Variants in GRM7 observed in about 807,000 individuals in gnomAD.
The protein encoded by GRM7 is glutamate metabotropic receptor 7, also known as metabotropic glutamate receptor 7.
Under a neutral mutation model 84.5 loss-of-function variants are expected in GRM7, and 35 were observed. That is an observed-to-expected ratio of 0.41 (90% CI 0.32 to 0.55). The LOEUF is 0.55. Among genes scored for constraint, GRM7 ranks in the 20% least tolerant of loss-of-function variants. The probability of loss-of-function intolerance (pLI) is 0.19; values close to 1 mark genes in which losing one functional copy is unlikely to be tolerated. For missense variants in GRM7, 1,003 were observed against 1,194.6 expected (o/e 0.84, Z 2.36); for synonymous variants, 487 against 455.1 (o/e 1.07, Z -0.89).
chr3:7,214,047 G>A (rs1021767284), intron 2 of GRM7, among the ~76,000 whole-genome samples: 1 of 150,604 alleles, frequency 6.6e-6, no homozygotes, highest in African/African-American at 2.5e-5. Flanking sequence ...AAAAAGATAC[G>A]TTTGCCTGAA....
chr3:7,035,917 G>A (rs1236605182), intron 1 of GRM7, among the ~76,000 whole-genome samples: 3 of 152,174 alleles, frequency 2.0e-5, no homozygotes, highest in Admixed American at 6.5e-5. Flanking sequence ...AACCTTTATT[G>A]AGCATATACT....
chr3:6,886,987 T>A (rs547779221), intron 1 of GRM7, among the ~76,000 whole-genome samples: 191 of 152,218 alleles, frequency 1.3e-3, no homozygotes, highest in African/African-American at 4.3e-3. Context: ...ACATAATTTT[T>A]AACTACAAAA....
rs528143443 is a variant in GRM7 at position 7,434,802 on chromosome 3, C to CA, written c.1175-17798dup. The stretch of plus-strand genomic sequence containing the variant: ...ATTGGTATCAGATTAATGCTGGACA[C>CA]AAAAAAATGAGTTAGAAAATGTCCC... On this transcript the variant is annotated intron_variant, in intron 5 of 9. Transcript: ENST00000357716. 2.6e-3 allele frequency among the ~76,000 whole-genome samples: 396 copies of CA among 151,954 alleles called. 1 individual carries two copies. Among genetic ancestry groups the CA allele is most frequent in the African/African-American group, 8.9e-3 (369 of 41,468 alleles).
chr3:7,510,736 A>G (rs1033598816), intron 7 of GRM7, among the ~76,000 whole-genome samples: 3 of 152,226 alleles, frequency 2.0e-5, no homozygotes, highest in African/African-American at 7.2e-5. Context: ...ACTTACAAAT[A>G]GTTGAAAAAA....
At chr3:6,990,653 C>T (rs181593490) in intron 1 of GRM7, among the ~76,000 whole-genome samples, 1 of 152,204 alleles carries the variant, frequency 6.6e-6, no homozygotes, top group Admixed American at 6.5e-5. Flanking sequence ...TTTTTCTTTA[C>T]ATAGATCTAT....
At chr3:7,384,814 C>A (rs921953993) in intron 4 of GRM7, among the ~76,000 whole-genome samples, 6 of 152,124 alleles carry the variant, frequency 3.9e-5, no homozygotes, top group Non-Finnish European at 8.8e-5. Flanking sequence ...GGAGCTTTTA[C>A]AAGGGCATCT....
chr3:6,900,554 A>T (rs1482514150), intron 1 of GRM7, among the ~76,000 whole-genome samples: 1 of 152,200 alleles, frequency 6.6e-6, no homozygotes, highest in East Asian at 1.9e-4. Flanking sequence ...ATTCAGAAGG[A>T]GAGTATTCTT....
At chr3:6,887,736 G>A (rs991426007) in intron 1 of GRM7, among the ~76,000 whole-genome samples, 3 of 152,096 alleles carry the variant, frequency 2.0e-5, no homozygotes, top group African/African-American at 4.8e-5. Flanking sequence ...AGTCCTTTGG[G>A]TATATACCCC....
intron 8 of GRM7, among the ~76,000 whole-genome samples, chr3:7,670,350 A>AAC (rs1699867399): frequency 2.0e-5 from 3 of 152,196 alleles, no homozygotes; most frequent in African/African-American, 7.2e-5. Flanking sequence ...AGCCAGTATT[A>AAC]ACAAGAGGAA....
chr3:7,169,265 A>G (rs1416303888), intron 2 of GRM7, among the ~76,000 whole-genome samples: 1 of 152,130 alleles, frequency 6.6e-6, no homozygotes, highest in African/African-American at 2.4e-5. Flanking sequence ...CCCTAATTTC[A>G]TTCTATACCA....
chr3:7,339,319 G>A (rs1200366405), intron 4 of GRM7, among the ~76,000 whole-genome samples: 1 of 152,088 alleles, frequency 6.6e-6, no homozygotes, highest in Non-Finnish European at 1.5e-5. Context: ...TTCATTGCTG[G>A]TTTGCCCCTC....
intron 1 of GRM7, among the ~76,000 whole-genome samples, chr3:6,904,431 G>A (rs1159292076): frequency 6.6e-6 from 1 of 152,082 alleles, no homozygotes; most frequent in Non-Finnish European, 1.5e-5. Context: ...CTGTAAAGTA[G>A]GATACTAGTT....
At chr3:7,529,495 G>A (rs1266905852) in intron 7 of GRM7, among the ~76,000 whole-genome samples, 1 of 152,122 alleles carries the variant, frequency 6.6e-6, no homozygotes, top group Non-Finnish European at 1.5e-5. Flanking sequence ...GTTTAGGAGA[G>A]AGTCTTAAGA....
intron 1 of GRM7, among the ~76,000 whole-genome samples, chr3:6,986,913 C>T (rs1262043708): frequency 1.3e-5 from 2 of 152,136 alleles, no homozygotes; most frequent in East Asian, 3.8e-4. Flanking sequence ...ACCTGTTACT[C>T]AGAAAGCATG....
At chr3:7,403,827 G>T (rs1013439285) in intron 4 of GRM7, among the ~76,000 whole-genome samples, 1 of 150,600 alleles carries the variant, frequency 6.6e-6, no homozygotes, top group Non-Finnish European at 1.5e-5. Flanking sequence ...GTGTGTGGAT[G>T]GATGGATAGA....
At chr3:7,133,400 A>G (rs1693667861) in intron 1 of GRM7, among the ~76,000 whole-genome samples, 1 of 152,152 alleles carries the variant, frequency 6.6e-6, no homozygotes, top group African/African-American at 2.4e-5. Context: ...TGGGAGAACT[A>G]TTTGGTTTTG....
intron 4 of GRM7, among the ~76,000 whole-genome samples, chr3:7,343,973 A>C (rs910662795): frequency 6.6e-6 from 1 of 152,150 alleles, no homozygotes. Context: ...AAGGTTGACT[A>C]TTTGTCTGAA....
intron 1 of GRM7, among the ~76,000 whole-genome samples, chr3:6,969,087 T>TG (rs1386922601): frequency 1.4e-5 from 2 of 138,158 alleles, no homozygotes; most frequent in African/African-American, 3.0e-5. Context: ...CAAACCAGGG[T>TG]GTTTTTTTTT....
At chr3:7,174,584 A>G (rs185216562) in intron 2 of GRM7, among the ~76,000 whole-genome samples, 17 of 152,342 alleles carry the variant, frequency 1.1e-4, no homozygotes, top group East Asian at 9.6e-4. Context: ...TTGTTGTCCA[A>G]TATGGGATGC....
Sources: allele counts gnomAD v4.1 joint callset (sites outside exome capture counted in the v4.1 genomes callset), GRCh38; gene constraint gnomAD v4.1.1; transcripts MANE v1.5; gene names NCBI Gene and HGNC (gene_info 2026-07-23, HGNC 2026-07-21).